Variants in ALPK2 observed in about 807,000 individuals in gnomAD.
ALPK2 encodes alpha-protein kinase 2.
Under a neutral mutation model 163.1 loss-of-function variants are expected in ALPK2, and 127 were observed. That is an observed-to-expected ratio of 0.78 (90% CI 0.67 to 0.90). ALPK2 has a LOEUF of 0.90. ALPK2 is among the 40% of genes least tolerant of loss of function. ALPK2 has a pLI of 0.00. For missense variants in ALPK2, 2,360 were observed against 2,589.6 expected, an observed-to-expected ratio of 0.91 and a Z score of 1.92; for synonymous variants, 953 against 959.1, an observed-to-expected ratio of 0.99 and a Z score of 0.12.
At chr18:58,493,714 C>T (rs1339535287) in intron 12 of ALPK2, among the ~76,000 whole-genome samples, 1 of 152,172 alleles carries the variant, frequency 6.6e-6, no homozygotes, top group Non-Finnish European at 1.5e-5. Context: ...GGGAATTTGG[C>T]TTCCATGTCA....
intron 5 of ALPK2, among the ~76,000 whole-genome samples, chr18:58,534,501 C>T (rs922140357): frequency 2.6e-5 from 4 of 152,182 alleles, no homozygotes; most frequent in Non-Finnish European, 4.4e-5. Context: ...GATAATGAAA[C>T]GGAAAAGCAC....
At chr18:58,571,968 T>C (rs1342260610) in intron 4 of ALPK2, among the ~76,000 whole-genome samples, 2 of 74,816 alleles carry the variant, frequency 2.7e-5, no homozygotes, top group Admixed American at 2.3e-4. Context: ...AGAGGTAGAC[T>C]CCATCTCAAA....
At position 58,579,936 on chromosome 18, in the gene ALPK2, A is replaced by G. The variant is rs1470956864; in HGVS notation, c.840T>C (p.Thr280=). Residue 280 remains threonine, a synonymous_variant, in exon 4 of 13, where the codon ACT becomes ACC. Transcript: ENST00000361673. ...CACTGTCACCTGGGTAAATGTGTGCAGTTGCCTCAGATAGCGGGAGGCTGA... is the reference window on the plus strand; with the variant it reads ...CACTGTCACCTGGGTAAATGTGTGCGGTTGCCTCAGATAGCGGGAGGCTGA... ...ISFSLPLSEA[T]AHIYPGDSAV... is the part of the protein sequence containing the mutation. 1 of 1,614,072 alleles carries G rather than the reference A, an allele frequency of 6.2e-7. No individual in the cohort carries two copies.
At chr18:58,599,007 G>A (rs986485319) in intron 3 of ALPK2, among the ~76,000 whole-genome samples, 1 of 152,132 alleles carries the variant, frequency 6.6e-6, no homozygotes, top group African/African-American at 2.4e-5. Context: ...TTCCCTGACT[G>A]TCCCAAAGTC....
At chr18:58,582,300 T>A (rs1438018338) in intron 3 of ALPK2, among the ~76,000 whole-genome samples, 1 of 152,196 alleles carries the variant, frequency 6.6e-6, no homozygotes, top group East Asian at 1.9e-4. Context: ...GACAAAGATA[T>A]CTCTGGTGCT....
rs952267952 is a variant in ALPK2 at position 58,517,709 on chromosome 18, G to A, written c.5666-527C>T. Among the ~76,000 whole-genome samples the A allele has an allele frequency of 2.0e-5, 3 of 151,598 alleles. No individual in the cohort carries two copies. In the South Asian group the frequency reaches 6.2e-4, roughly 31 times the overall value. On this transcript the variant is annotated intron_variant, in intron 8 of 12. Coordinates refer to ENST00000361673, the MANE Select transcript of ALPK2 (RefSeq NM_052947.4). Reference sequence around the variant, plus strand: ...CATATGTATATTTGTTCTTTATACAGAAAAAGAGTAACTTTTTTTTTGCCT... The same window carrying A: ...CATATGTATATTTGTTCTTTATACAAAAAAAGAGTAACTTTTTTTTTGCCT...
At chr18:58,584,907 A>G (rs1164125990) in intron 3 of ALPK2, among the ~76,000 whole-genome samples, 2 of 152,210 alleles carry the variant, frequency 1.3e-5, no homozygotes, top group African/African-American at 4.8e-5. Context: ...TGTGCCCCAC[A>G]GTGATTTGAC....
intron 10 of ALPK2, among the ~76,000 whole-genome samples, chr18:58,513,272 G>A (rs187218848): frequency 9.9e-5 from 15 of 152,036 alleles, no homozygotes; most frequent in Admixed American, 7.9e-4. Flanking sequence ...TAGGGGGTGT[G>A]TATGTGTGTT....
chr18:58,582,073 T>C (rs951677636), intron 3 of ALPK2, among the ~76,000 whole-genome samples: 2 of 152,174 alleles, frequency 1.3e-5, no homozygotes, highest in African/African-American at 4.8e-5. Flanking sequence ...ATCTGGCTCT[T>C]GGGTAGAAGC....
At chr18:58,610,024 G>A (rs948469415) in intron 2 of ALPK2, among the ~76,000 whole-genome samples, 17 of 152,088 alleles carry the variant, frequency 1.1e-4, no homozygotes, top group African/African-American at 2.9e-4. Flanking sequence ...AAAGGCAGCC[G>A]TTTCTGAGGC....
At chr18:58,521,828 A>G (rs1193019581) in intron 8 of ALPK2, among the ~76,000 whole-genome samples, 1 of 151,662 alleles carries the variant, frequency 6.6e-6, no homozygotes, top group Non-Finnish European at 1.5e-5. Flanking sequence ...GGGTTTCACC[A>G]TGTTGGCCAG....
At chr18:58,543,697 G>A (rs1001777075) in intron 4 of ALPK2, among the ~76,000 whole-genome samples, 4 of 152,146 alleles carry the variant, frequency 2.6e-5, no homozygotes, top group Non-Finnish European at 5.9e-5. Flanking sequence ...ATGGAATTTC[G>A]TTAGTACAGG....
At chr18:58,502,446 CA>C (rs2051437592) in intron 11 of ALPK2, among the ~76,000 whole-genome samples, 1 of 152,248 alleles carries the variant, frequency 6.6e-6, no homozygotes, top group East Asian at 1.9e-4. Flanking sequence ...ATTTAATTCT[CA>C]AAACAACTCT....
chr18:58,518,945 T>C (rs183584399), intron 8 of ALPK2, among the ~76,000 whole-genome samples: 17 of 152,348 alleles, frequency 1.1e-4, no homozygotes, highest in African/African-American at 3.1e-4. Context: ...ATTATACATG[T>C]TCATAAACTT....
intron 3 of ALPK2, among the ~76,000 whole-genome samples, chr18:58,582,847 G>A (rs1390689792): frequency 6.6e-6 from 1 of 152,188 alleles, no homozygotes; most frequent in African/African-American, 2.4e-5. Flanking sequence ...TTTTCTGATT[G>A]GTAATTGGTC....
intron 2 of ALPK2, among the ~76,000 whole-genome samples, chr18:58,610,740 G>A: frequency 6.6e-6 from 1 of 151,648 alleles, no homozygotes. Context: ...AAGAGATGGA[G>A]ACCATCCTGG....
chr18:58,583,751 AAAAG>A (rs1482216308), intron 3 of ALPK2, among the ~76,000 whole-genome samples: 15 of 135,436 alleles, frequency 1.1e-4, no homozygotes, highest in South Asian at 1.0e-3. Flanking sequence ...AAAAAAAAAA[AAAAG>A]AAAGAAAGAA....
intron 4 of ALPK2, among the ~76,000 whole-genome samples, chr18:58,556,706 C>T (rs1017876398): frequency 4.6e-5 from 7 of 152,168 alleles, no homozygotes; most frequent in African/African-American, 1.4e-4. Context: ...TCCCCAGACT[C>T]GCTGAATCTT....
intron 5 of ALPK2, among the ~76,000 whole-genome samples, chr18:58,533,792 T>C (rs1282891629): frequency 6.6e-6 from 1 of 152,148 alleles, no homozygotes; most frequent in Non-Finnish European, 1.5e-5. Context: ...TAGATACTAA[T>C]AACCTGATTG....
Sources: gnomAD v4.1 joint callset for allele counts (sites outside exome capture counted in the v4.1 genomes callset) on GRCh38, gnomAD v4.1.1 for gene constraint, MANE v1.5 for transcripts, NCBI Gene and HGNC (gene_info 2026-07-23, HGNC 2026-07-21) for gene names.